The following WNT16 variants were observed in gnomAD, a reference collection of about 807,000 sequenced individuals.
The protein encoded by WNT16 is protein Wnt-16.
Under a neutral mutation model 35.4 loss-of-function variants are expected in WNT16, and 20 were observed. That is an observed-to-expected ratio of 0.56 (90% confidence interval 0.40 to 0.82). WNT16 has a LOEUF of 0.82. Ranked by LOEUF, WNT16 falls within the 40% of genes least tolerant of loss-of-function variation. The pLI, the probability that WNT16 is intolerant of heterozygous loss-of-function variation, is 0.00. For synonymous variants in WNT16, 180 were observed against 179.2 expected (o/e 1.00, Z -0.03); for missense variants, 461 against 466.0 (o/e 0.99, Z 0.10).
Position 121,339,142 on chromosome 7 carries a change from A to C in WNT16, c.895A>C (p.Lys299Gln). ...TCCCAACTACTGTGTAGAAGATAAG[A>C]AACTGGGAATCCCAGGGACACAAGG... is the stretch of plus-strand genomic sequence containing the variant. ...KSPNYCVEDKKLGIPGTQGRE... is the reference protein window; with the variant it reads ...KSPNYCVEDKQLGIPGTQGRE... The change falls in exon 4 of 4, where the codon AAA becomes CAA. Residue 299 changes from lysine to glutamine, a missense_variant. Lys to Gln is a moderately conservative substitution (Grantham distance 53, BLOSUM62 1). Coordinates refer to ENST00000222462, the MANE Select transcript of WNT16 (RefSeq NM_057168.2). 6.2e-7 allele frequency: 1 copy of C among 1,614,216 alleles called. No individual in the cohort carries two copies. Among genetic ancestry groups the C allele is most frequent in the Non-Finnish European group, 8.5e-7 (1 of 1,180,034 alleles).
intron 3 of WNT16, among the ~76,000 whole-genome samples, chr7:121,335,986 T>TTGTGTGTG (rs36224614): frequency 4.4e-3 from 622 of 140,286 alleles, no homozygotes; most frequent in Non-Finnish European, 5.2e-3. Flanking sequence ...GAATTAAACT[T>TTGTGTGTG]TGTGTGTGTG....
At chr7:121,328,386 A>G (rs1166759551), upstream of WNT16, among the ~76,000 whole-genome samples, 2 of 152,214 alleles carry the variant, frequency 1.3e-5, no homozygotes, top group Admixed American at 6.5e-5. Context: ...GGAAAAGGAA[A>G]TCACAGAGCA....
upstream of WNT16, among the ~76,000 whole-genome samples, chr7:121,327,296 C>T (rs1793260014): frequency 3.3e-5 from 5 of 150,186 alleles, no homozygotes; most frequent in Admixed American, 3.3e-4. Flanking sequence ...TTTCAGTGAG[C>T]TTTTATTGCT....
At chr7:121,326,072 G>A (rs965126899), upstream of WNT16, among the ~76,000 whole-genome samples, 3 of 147,074 alleles carry the variant, frequency 2.0e-5, no homozygotes, top group Non-Finnish European at 3.0e-5. Flanking sequence ...AAAAGGAGGG[G>A]CCTCTAAAGG....
chr7:121,329,194 G>A lies in WNT16; in HGVS notation c.-99G>A, dbSNP rs990914915. 93 of 1,440,422 alleles carry A rather than the reference G, an allele frequency of 6.5e-5. No homozygotes were observed. The highest frequency in any genetic ancestry group is 7.6e-5 in the Non-Finnish European group (84 of 1,100,136). The allele number at this position is 1,440,422 out of a possible 1,614,324, so 89.2% of individuals were successfully genotyped here. A position where few individuals can be genotyped will look rare whatever the true frequency, so the allele number is the denominator to read the frequency against. On this transcript the variant is annotated 5_prime_UTR_variant, in exon 1 of 4. Coordinates refer to ENST00000222462, the MANE Select transcript of WNT16 (RefSeq NM_057168.2). ...GTATGCAAGGAGGAAGAGGGCGAGG[G>A]ATAACTTGGTGCTGGACAACTGACC... is the stretch of plus-strand genomic sequence containing the variant.
At chr7:121,325,563 C>A, upstream of WNT16, 1 of 1,358,208 alleles carries the variant, frequency 7.4e-7, no homozygotes, top group Non-Finnish European at 1.0e-6. Context: ...CGTAAGGAAC[C>A]ATAGACACCA....
At position 121,338,883 on chromosome 7, in the gene WNT16, T is replaced by A; in HGVS notation, c.636T>A (p.Ala212=). ...NLHNNEAGRQ[A]VAKLMSVDCR... Reference sequence around the variant, plus strand: ...AACACAATTACTGTTGGTTTCAGGCTGTCGCCAAGTTGATGTCAGTAGACT... The same window carrying A: ...AACACAATTACTGTTGGTTTCAGGCAGTCGCCAAGTTGATGTCAGTAGACT... The change falls in exon 4 of 4, where the codon GCT becomes GCA. Residue 212 remains alanine (A), a splice_region_variant and synonymous_variant. Coordinates refer to ENST00000222462, the MANE Select transcript of WNT16 (RefSeq NM_057168.2). The A allele has an allele frequency of 6.2e-7, 1 of 1,611,228 alleles. No individual in the cohort carries two copies. Among genetic ancestry groups the A allele is most frequent in the Non-Finnish European group, 8.5e-7 (1 of 1,178,614 alleles).
upstream of WNT16, among the ~76,000 whole-genome samples, chr7:121,325,655 A>T (rs1332500858): frequency 2.7e-5 from 4 of 150,050 alleles, no homozygotes; most frequent in Non-Finnish European, 5.9e-5. Flanking sequence ...TTTTACATAT[A>T]TATATATATA....
In WNT16 at chr7:121,339,271, T is replaced by C. The variant is rs2116844884; in HGVS notation, c.1024T>C (p.Cys342Arg). 2 of 1,614,034 alleles carry C rather than the reference T, an allele frequency of 1.2e-6. No homozygotes were observed. Among genetic ancestry groups the C allele is most frequent in the East Asian group, 2.2e-5 (1 of 44,878 alleles). ...HVVRHVERCE[C>R]KFIWCCYVRC... ...GGTCAGGCACGTGGAGAGGTGTGAG[T>C]GTAAGTTCATCTGGTGCTGCTATGT... The change falls in exon 4 of 4, where the codon TGT becomes CGT. Residue 342 changes from cysteine to arginine, a missense_variant. Cys to Arg is a radical substitution (Grantham distance 180). Coordinates refer to ENST00000222462, the MANE Select transcript of WNT16 (RefSeq NM_057168.2).
At chr7:121,331,577 G>A in intron 2 of WNT16, 101 bp from the exon 3 acceptor site, 1 of 1,131,770 alleles carries the variant, frequency 8.8e-7, no homozygotes, top group Non-Finnish European at 1.2e-6. Flanking sequence ...GTAAGCAACT[G>A]AAAAATTACT....
chr7:121,330,872 G>C (rs1204855990), intron 2 of WNT16, among the ~76,000 whole-genome samples: 2 of 150,938 alleles, frequency 1.3e-5, no homozygotes, highest in Non-Finnish European at 2.9e-5. Flanking sequence ...AAAAAAAGTC[G>C]CCTGCTGATT....
At chr7:121,335,231 C>A (rs545180373) in intron 3 of WNT16, among the ~76,000 whole-genome samples, 95 of 152,188 alleles carry the variant, frequency 6.2e-4, no homozygotes, top group Middle Eastern at 3.4e-3. Flanking sequence ...TACTGAAAAA[C>A]AATCGCCAAC....
rs1188421137 is a variant in WNT16 at position 121,331,958 on chromosome 7, A to G, written c.627A>G (p.Gly209=). 1 of 1,613,768 alleles carries G rather than the reference A, an allele frequency of 6.2e-7. No individual in the cohort carries two copies. The highest frequency in any genetic ancestry group is 8.5e-7 in the Non-Finnish European group (1 of 1,179,788). The part of the protein sequence containing the change: ...LAMNLHNNEA[G]RQAVAKLMSV... ...TGAACCTACATAACAATGAAGCTGGAAGGCAGGTATGTATTAGAAAATGGA... is the reference window on the plus strand; with the variant it reads ...TGAACCTACATAACAATGAAGCTGGGAGGCAGGTATGTATTAGAAAATGGA... The change falls in exon 3 of 4, where the codon GGA becomes GGG. Residue 209 remains glycine (G), a synonymous_variant. Coordinates refer to ENST00000222462, the MANE Select transcript of WNT16 (RefSeq NM_057168.2).
intron 3 of WNT16, among the ~76,000 whole-genome samples, chr7:121,337,465 G>A (rs1033248157): frequency 3.9e-5 from 6 of 152,230 alleles, no homozygotes; most frequent in Admixed American, 3.9e-4. Flanking sequence ...CATAAGAATT[G>A]TAAGTGGAAT....
Position 121,329,299 on chromosome 7 carries a change from A to C in WNT16, c.7A>C (p.Arg3=). ...GGGACTCCATGCGGGGGCGATGGAC[A>C]GGGCGGCGCTCCTGGGACTGGCCCG... The part of the protein sequence containing the change: MD[R]AALLGLARLC... Residue 3 remains arginine, a synonymous_variant, in exon 1 of 4, where the codon AGG becomes CGG. Coordinates refer to ENST00000222462, the MANE Select transcript of WNT16 (RefSeq NM_057168.2). The C allele has an allele frequency of 6.4e-7, 1 of 1,573,204 alleles. No individual in the cohort carries two copies. Among genetic ancestry groups the C allele is most frequent in the Non-Finnish European group, 8.6e-7 (1 of 1,159,674 alleles).
At chr7:121,330,714 G>GAAAAAAAAAAAAAAAAAAAAAA in intron 2 of WNT16, among the ~76,000 whole-genome samples, 1 of 88,186 alleles carries the variant, frequency 1.1e-5, no homozygotes, top group African/African-American at 4.6e-5. Context: ...CCCGTAGAGA[G>GAAAAAAAAAAAAAAAAAAAAAA]AAAAAAAAAA....
At chr7:121,338,353 C>T (rs977124781) in intron 3 of WNT16, among the ~76,000 whole-genome samples, 5 of 152,150 alleles carry the variant, frequency 3.3e-5, no homozygotes, top group African/African-American at 1.2e-4. Context: ...GGTAACTTCT[C>T]TCTCAGTGCT....
intron 3 of WNT16, among the ~76,000 whole-genome samples, chr7:121,337,965 T>C (rs1312551422): frequency 6.6e-6 from 1 of 152,220 alleles, no homozygotes. Context: ...ATAGGGCATG[T>C]GTTTTGAATT....
chr7:121,331,838 C>T lies in WNT16; in HGVS notation c.507C>T (p.Ser169=), dbSNP rs115871327. 146 of 1,614,096 alleles carry T rather than the reference C, an allele frequency of 9.0e-5. 1 individual carries two copies. The African/African-American group carries it at 1.8e-3, about 19-fold the overall frequency. The change falls in exon 3 of 4, where the codon TCC becomes TCT. Residue 169 remains serine, a synonymous_variant. Coordinates refer to ENST00000222462, the MANE Select transcript of WNT16 (RefSeq NM_057168.2). Reference sequence around the variant, plus strand: ...AAGGCTGGCACTGGGGGGGCTGCTCCGATGATGTCCAGTATGGCATGTGGT... The same window carrying T: ...AAGGCTGGCACTGGGGGGGCTGCTCTGATGATGTCCAGTATGGCATGTGGT... ...ASEGWHWGGC[S]DDVQYGMWFS... is the part of the protein sequence containing the mutation.
Sources: allele counts gnomAD v4.1 joint callset (sites outside exome capture counted in the v4.1 genomes callset), GRCh38; gene constraint gnomAD v4.1.1; transcripts MANE v1.5; gene names NCBI Gene and HGNC (gene_info 2026-07-23, HGNC 2026-07-21).